USP47: variants seen among roughly 807,000 people sequenced by gnomAD.
USP47 encodes the protein ubiquitin carboxyl-terminal hydrolase 47.
USP47 carries 35 observed loss-of-function variants against 165.1 expected under a neutral mutation model. The observed-to-expected ratio is 0.21, with a 90% CI of 0.16 to 0.28. The LOEUF (loss-of-function observed/expected upper bound fraction) is 0.28, where lower values mean the gene tolerates loss of function less well. Among genes scored for constraint, USP47 ranks in the 10% least tolerant of loss-of-function variants. The pLI, the probability that USP47 is intolerant of heterozygous loss-of-function variation, is 1.00. For missense variants in USP47, 1,277 were observed against 1,607.4 expected (o/e 0.79, Z 3.52); for synonymous variants, 531 against 544.5 (o/e 0.98, Z 0.35).
At chr11:11,938,896 T>C (rs1020194615) in intron 18 of USP47, among the ~76,000 whole-genome samples, 2 of 151,700 alleles carry the variant, frequency 1.3e-5, no homozygotes. Context: ...GGACTTGTAA[T>C]TGTTAAATGT....
rs1421290547 is a variant in USP47 at position 11,919,025 on chromosome 11, G to GA, written c.970-1124dup. Among the ~76,000 whole-genome samples, 39 of 130,392 alleles carry GA rather than the reference G, an allele frequency of 3.0e-4. No individual in the cohort carries two copies. The East Asian group carries it at 7.4e-3, about 25-fold the overall frequency. The allele number at this position is 130,392 out of a possible 152,430, so 85.5% of individuals were successfully genotyped here. A position where few individuals can be genotyped will look rare whatever the true frequency, so the allele number is the denominator to read the frequency against. On this transcript the variant is annotated intron_variant, in intron 8 of 27. Coordinates refer to ENST00000527733, the MANE Select transcript of USP47 (RefSeq NM_001282659.2). ...CACCAATAAAATGCATGGTCATGTG[G>GA]AAAAAAACCCAGCCGTTTGGTTTCT...
chr11:11,860,183 C>G (rs111240020), intron 1 of USP47, among the ~76,000 whole-genome samples: 1 of 150,748 alleles, frequency 6.6e-6, no homozygotes, highest in African/African-American at 2.4e-5. Flanking sequence ...GAGTTTCGCT[C>G]TTGTTGCCCA....
At chr11:11,945,637 A>C (rs1377096001) in intron 20 of USP47, among the ~76,000 whole-genome samples, 1 of 152,118 alleles carries the variant, frequency 6.6e-6, no homozygotes, top group Non-Finnish European at 1.5e-5. Context: ...TTACCGCTTC[A>C]CTTAAGAAAT....
Position 11,903,401 on chromosome 11 carries a change from A to C in USP47, c.819+59A>C, listed in dbSNP as rs990449605. ...TCCTAATAAATCACTTGTTACCCTA[A>C]ATGACTTTTATTCTGTTGGAATGTT... On this transcript the variant is annotated intron_variant, in intron 7 of 27. Transcript: ENST00000527733. The C allele has an allele frequency of 2.0e-6, 3 of 1,498,544 alleles. No homozygotes were observed. In the African/African-American group the frequency reaches 4.2e-5, roughly 21 times the overall value. The allele number at this position is 1,498,544 out of a possible 1,614,324, so 92.8% of individuals were successfully genotyped here.
chr11:11,847,832 A>G (rs1848512565), intron 1 of USP47, among the ~76,000 whole-genome samples: 1 of 152,242 alleles, frequency 6.6e-6, no homozygotes, highest in African/African-American at 2.4e-5. Flanking sequence ...TACCTGTTTT[A>G]AAGTTTATAA....
At chr11:11,913,268 A>AC (rs1340679551) in intron 8 of USP47, among the ~76,000 whole-genome samples, 1 of 151,180 alleles carries the variant, frequency 6.6e-6, no homozygotes, top group Non-Finnish European at 1.5e-5. Flanking sequence ...CAAAAAAAAA[A>AC]AAAAAAAAAC....
At chr11:11,934,289 A>G (rs559233861) in intron 16 of USP47, among the ~76,000 whole-genome samples, 2 of 152,286 alleles carry the variant, frequency 1.3e-5, no homozygotes, top group East Asian at 3.9e-4. Flanking sequence ...AGAGATACCA[A>G]AGTGAACAAG....
intron 1 of USP47, among the ~76,000 whole-genome samples, chr11:11,861,918 CAT>C (rs1849407527): frequency 1.3e-5 from 2 of 152,068 alleles, no homozygotes; most frequent in South Asian, 2.1e-4. Context: ...CATTGAACAA[CAT>C]GTGCTAAAAC....
At chr11:11,863,385 A>G (rs1488015421) in intron 1 of USP47, among the ~76,000 whole-genome samples, 1 of 152,222 alleles carries the variant, frequency 6.6e-6, no homozygotes, top group African/African-American at 2.4e-5. Flanking sequence ...TCTTGTATTT[A>G]CATTTATTCC....
chr11:11,850,920 C>T (rs1440848060), intron 1 of USP47, among the ~76,000 whole-genome samples: 4 of 152,194 alleles, frequency 2.6e-5, no homozygotes. Context: ...CAAGGCAGCT[C>T]TCTGGGGCCT....
At chr11:11,899,893 A>G (rs578178174) in intron 5 of USP47, among the ~76,000 whole-genome samples, 55 of 152,220 alleles carry the variant, frequency 3.6e-4, no homozygotes, top group Non-Finnish European at 2.9e-5. Flanking sequence ...ACCTCATTGA[A>G]CTATCCACAG....
intron 1 of USP47, among the ~76,000 whole-genome samples, chr11:11,878,312 T>C (rs542952414): frequency 6.6e-6 from 1 of 152,314 alleles, no homozygotes; most frequent in Non-Finnish European, 1.5e-5. Flanking sequence ...ATTTGAAGCT[T>C]TAAAATCTGG....
At chr11:11,914,981 A>G (rs1438024700) in intron 8 of USP47, among the ~76,000 whole-genome samples, 1 of 152,164 alleles carries the variant, frequency 6.6e-6, no homozygotes, top group Non-Finnish European at 1.5e-5. Flanking sequence ...ACTATTGGTC[A>G]TTTATCCCAG....
chr11:11,916,483 T>C (rs1487888071), intron 8 of USP47, among the ~76,000 whole-genome samples: 2 of 151,600 alleles, frequency 1.3e-5, no homozygotes, highest in African/African-American at 4.9e-5. Flanking sequence ...AAAACAATGC[T>C]GTAAGAAATG....
At position 11,845,799 on chromosome 11, in the gene USP47, T is replaced by C. The variant is rs111559243; in HGVS notation, c.39+3575T>C. Among the ~76,000 whole-genome samples, 530 of 152,362 alleles carry C rather than the reference T, an allele frequency of 3.5e-3. 5 individuals carry two copies. Among genetic ancestry groups the C allele is most frequent in the Middle Eastern group, 0.014 (4 of 294 alleles). On this transcript the variant is annotated intron_variant, in intron 1 of 27. Transcript: ENST00000527733. The stretch of plus-strand genomic sequence containing the variant: ...AATACATACTTCTATGACTAATCTT[T>C]GATAAAATCTTTGTCTTAGAAGAGA...
rs1400057817 is a variant in USP47 at position 11,938,338 on chromosome 11, A to G, written c.2159A>G (p.Gln720Arg). ...APITVRAYLN[Q>R]TVTEFKQLIS... The stretch of plus-strand genomic sequence containing the variant: ...ATAACTGTTCGTGCTTACTTAAATC[A>G]GACAGTTACAGAATTCAAACAACTG... Residue 720 changes from glutamine to arginine, a missense_variant, in exon 18 of 28, where the codon CAG becomes CGG. Gln to Arg is a conservative substitution (Grantham distance 43, BLOSUM62 1). This residue lies in a region of USP47 where 909 missense variants were observed against 1,068.1 expected (regional missense o/e 0.85). Coordinates refer to ENST00000527733, the MANE Select transcript of USP47 (RefSeq NM_001282659.2). The G allele has an allele frequency of 6.2e-7, 1 of 1,612,024 alleles. No individual in the cohort carries two copies. The highest frequency in any genetic ancestry group is 8.5e-7 in the Non-Finnish European group (1 of 1,178,742).
chr11:11,865,665 A>ACTTTTTATTTATTTTC (rs1849632404), intron 1 of USP47, among the ~76,000 whole-genome samples: 1 of 151,492 alleles, frequency 6.6e-6, no homozygotes, highest in African/African-American at 2.4e-5. Flanking sequence ...CCTTACCAAC[A>ACTTTTTATTTATTTTC]CTTTTTATTT....
intron 8 of USP47, among the ~76,000 whole-genome samples, chr11:11,912,353 C>G (rs1328828003): frequency 6.6e-6 from 1 of 151,864 alleles, no homozygotes; most frequent in South Asian, 2.1e-4. Context: ...GCAAAAATTT[C>G]CAGTATCAGG....
intron 20 of USP47, among the ~76,000 whole-genome samples, chr11:11,944,130 C>T (rs959633645): frequency 1.1e-4 from 17 of 149,924 alleles, no homozygotes; most frequent in African/African-American, 4.2e-4. Flanking sequence ...ACTCTTTATC[C>T]ATCCAGTCAT....
Sources: gnomAD v4.1 joint callset for allele counts (sites outside exome capture counted in the v4.1 genomes callset) on GRCh38, gnomAD v4.1.1 for gene constraint, gnomAD v4.1.1 regional missense constraint, MANE v1.5 for transcripts, NCBI Gene and HGNC (gene_info 2026-07-23, HGNC 2026-07-21) for gene names.